The following OPCML variants were observed in gnomAD, a reference collection of about 807,000 sequenced individuals.
The protein encoded by OPCML is opioid binding protein/cell adhesion molecule like.
Under a neutral mutation model 37.8 loss-of-function variants are expected in OPCML, and 13 were observed. That is an observed-to-expected ratio of 0.34 (90% CI 0.22 to 0.55). The LOEUF (loss-of-function observed/expected upper bound fraction) is 0.55, where lower values mean the gene tolerates loss of function less well. OPCML is among the 20% of genes least tolerant of loss of function. The probability of loss-of-function intolerance (pLI) is 0.91; values close to 1 mark genes in which losing one functional copy is unlikely to be tolerated. For synonymous variants in OPCML, 176 were observed against 168.8 expected, an observed-to-expected ratio of 1.04 and a Z score of -0.33; for missense variants, 341 against 435.6, an observed-to-expected ratio of 0.78 and a Z score of 1.93.
At chr11:132,938,039 A>G (rs1945450175) in intron 2 of OPCML, among the ~76,000 whole-genome samples, 1 of 151,910 alleles carries the variant, frequency 6.6e-6, no homozygotes, top group South Asian at 2.1e-4. Flanking sequence ...CCGCTAACCA[A>G]CTGCTGTGCC....
At chr11:132,892,746 G>A (rs901937059) in intron 2 of OPCML, among the ~76,000 whole-genome samples, 8 of 152,126 alleles carry the variant, frequency 5.3e-5, no homozygotes, top group African/African-American at 1.9e-4. Context: ...CAGCCTGGGC[G>A]ACAAGAGCAA....
At position 133,206,192 on chromosome 11, in the gene OPCML, C is replaced by T. The variant is rs1310390556; in HGVS notation, c.62-263182G>A. ...GCACAAAAAACTGCTTCCCATGGTG[C>T]CTAAAACGTCATCAATGCTCAATGA... On this transcript the variant is annotated intron_variant, in intron 1 of 7. Coordinates refer to ENST00000524381, the MANE Select transcript of OPCML (RefSeq NM_001012393.5). This position sits in a 1 kb window ranked among gnomAD's most constrained non-coding sequence, Gnocchi z 4.7. 6.6e-6 allele frequency among the ~76,000 whole-genome samples: 1 copy of T among 152,122 alleles called. No individual in the cohort carries two copies. The highest frequency in any genetic ancestry group is 1.9e-4 in the East Asian group (1 of 5,200).
chr11:133,412,273 G>A (rs1243461990), intron 1 of OPCML, among the ~76,000 whole-genome samples: 1 of 152,156 alleles, frequency 6.6e-6, no homozygotes. Flanking sequence ...TTTAATTGAG[G>A]AGCACAGCTG....
At chr11:133,481,281 A>G (rs1158845080) in intron 1 of OPCML, among the ~76,000 whole-genome samples, 1 of 152,086 alleles carries the variant, frequency 6.6e-6, no homozygotes, top group African/African-American at 2.4e-5. Flanking sequence ...AGCTTAAAAG[A>G]CCCTTAAATA....
chr11:133,143,863 C>T (rs529117645), intron 1 of OPCML, among the ~76,000 whole-genome samples: 16 of 152,312 alleles, frequency 1.1e-4, no homozygotes, highest in African/African-American at 3.6e-4. Flanking sequence ...TAGCTGCAAT[C>T]GGCTTATAAA....
intron 1 of OPCML, among the ~76,000 whole-genome samples, chr11:133,224,294 C>T (rs554434118): frequency 2.6e-5 from 4 of 152,268 alleles, no homozygotes; most frequent in East Asian, 1.9e-4. Flanking sequence ...ATGGCTTGTA[C>T]GCTCCATCCA....
intron 2 of OPCML, among the ~76,000 whole-genome samples, chr11:132,783,732 C>A (rs1036504134): frequency 1.3e-5 from 2 of 152,040 alleles, no homozygotes; most frequent in Non-Finnish European, 2.9e-5. Context: ...CACTCTTTCC[C>A]TAAGTATAGA....
At chr11:133,451,582 G>T (rs1946580725) in intron 1 of OPCML, among the ~76,000 whole-genome samples, 1 of 151,694 alleles carries the variant, frequency 6.6e-6, no homozygotes, top group Non-Finnish European at 1.5e-5. Flanking sequence ...GGTGGCTCAT[G>T]CCTGTAATCC....
rs190625741 is a variant in OPCML at position 133,096,519 on chromosome 11, C to G, written c.62-153509G>C. 6.6e-5 allele frequency among the ~76,000 whole-genome samples: 10 copies of G among 152,052 alleles called. 1 individual carries two copies. The highest frequency in any genetic ancestry group is 6.5e-4 in the Admixed American group (10 of 15,292). On this transcript the variant is annotated intron_variant, in intron 1 of 7. Coordinates refer to ENST00000524381, the MANE Select transcript of OPCML (RefSeq NM_001012393.5). ...ATGCAAAATAGTGACACATAGAGTA[C>G]ATGTTAATCCAACTGTCAATAAGCA...
rs770568467 is a variant in OPCML, at chr11:133,034,297, C to CTGTATGTATAGG, written c.62-91299_62-91288dup. Among the ~76,000 whole-genome samples, 644 of 108,532 alleles carry CTGTATGTATAGG rather than the reference C, an allele frequency of 5.9e-3. 1 individual carries two copies. The highest frequency in any genetic ancestry group is 9.7e-3 in the Non-Finnish European group (475 of 48,816). 71.2% of individuals were successfully genotyped at this position (108,532 alleles called of 152,430 possible). On this transcript the variant is annotated intron_variant, in intron 1 of 7. Coordinates refer to ENST00000524381, the MANE Select transcript of OPCML (RefSeq NM_001012393.5). ...CATTACTCAAACCAGAAGAGTAGCT[C>CTGTATGTATAGG]TGTATGTATAGGTGTGTGTGTGTGT...
intron 1 of OPCML, chr11:133,423,411 C>T: frequency 1.0e-6 from 1 of 985,382 alleles, no homozygotes; most frequent in Non-Finnish European, 1.2e-6. Flanking sequence ...TAGGAGATAA[C>T]TCAGAGAGTT....
At chr11:132,469,781 GGT>G (rs374307382) in intron 4 of OPCML, among the ~76,000 whole-genome samples, 20 of 47,174 alleles carry the variant, frequency 4.2e-4, no homozygotes, top group Admixed American at 1.2e-3. Context: ...TGTGTGGAGG[GGT>G]GTGTGTGTGG....
intron 2 of OPCML, among the ~76,000 whole-genome samples, chr11:132,701,459 C>A (rs908176853): frequency 6.6e-6 from 1 of 152,146 alleles, no homozygotes; most frequent in African/African-American, 2.4e-5. Context: ...TAAAGTATAG[C>A]CACACCTGCT....
rs544184932 is a variant in OPCML at position 132,459,032 on chromosome 11, G to C, written c.506-21673C>G. ...CATGTCAATGAATGTTTTGTACTCT[G>C]TTCCATTAAAATTCATTGGGCCATC... On this transcript the variant is annotated intron_variant, in intron 4 of 7. Coordinates refer to ENST00000524381, the MANE Select transcript of OPCML (RefSeq NM_001012393.5). 3.3e-5 allele frequency among the ~76,000 whole-genome samples: 5 copies of C among 152,286 alleles called. No homozygotes were observed. In the South Asian group the frequency reaches 1.0e-3, roughly 32 times the overall value.
intron 1 of OPCML, among the ~76,000 whole-genome samples, chr11:133,032,964 T>A (rs1350034893): frequency 6.6e-6 from 1 of 152,168 alleles, no homozygotes; most frequent in East Asian, 1.9e-4. Context: ...CATAAATATA[T>A]ATAATTACTC....
intron 2 of OPCML, among the ~76,000 whole-genome samples, chr11:132,723,516 T>G (rs1944755844): frequency 1.3e-5 from 2 of 152,210 alleles, no homozygotes. Context: ...AAACGCTTAG[T>G]GAAGAGTGTC....
At chr11:133,271,465 A>G (rs1045384190) in intron 1 of OPCML, among the ~76,000 whole-genome samples, 10 of 152,236 alleles carry the variant, frequency 6.6e-5, no homozygotes, top group African/African-American at 2.2e-4. Context: ...CAGTAGAATT[A>G]AATGGTAGGA....
intron 2 of OPCML, among the ~76,000 whole-genome samples, chr11:132,835,096 CCAGGCTGAG>C (rs1360105157): frequency 6.6e-6 from 1 of 152,060 alleles, no homozygotes; most frequent in African/African-American, 2.4e-5. Context: ...ACAAAGGTGG[CCAGGCTGAG>C]GAGGATTGAT....
intron 3 of OPCML, among the ~76,000 whole-genome samples, chr11:132,605,933 C>T (rs180976562): frequency 3.3e-5 from 5 of 152,304 alleles, no homozygotes. Flanking sequence ...TTCCTTTCAG[C>T]TCTGGTTAGG....
Sources: allele counts gnomAD v4.1 joint callset (sites outside exome capture counted in the v4.1 genomes callset), GRCh38; gene constraint gnomAD v4.1.1; non-coding constraint Gnocchi (gnomAD v3.1); transcripts MANE v1.5; gene names NCBI Gene and HGNC (gene_info 2026-07-23, HGNC 2026-07-21).